Variants in KLHL5 observed in about 807,000 individuals in gnomAD.
The protein encoded by KLHL5 is kelch like family member 5.
KLHL5 carries 48 observed loss-of-function variants against 77.7 expected under a neutral mutation model. That is an observed-to-expected ratio of 0.62 (90% confidence interval 0.49 to 0.79). The LOEUF (loss-of-function observed/expected upper bound fraction) is 0.79. Among genes scored for constraint, KLHL5 ranks in the 30% least tolerant of loss-of-function variants. The pLI is 0.00. For missense variants in KLHL5, 723 were observed against 859.7 expected (o/e 0.84, Z 1.99); for synonymous variants, 260 against 297.0 (o/e 0.88, Z 1.28).
intron 8 of KLHL5, 132 bp from the exon 9 acceptor site, chr4:39,112,886 GAC>G (rs978849822): frequency 7.2e-6 from 5 of 696,526 alleles, no homozygotes; most frequent in East Asian, 5.4e-5. Context: ...CTTTTTTAAT[GAC>G]ACACACATTG....
chr4:39,129,210 T>C (rs1723703858), downstream of KLHL5, among the ~76,000 whole-genome samples: 1 of 142,730 alleles, frequency 7.0e-6, no homozygotes, highest in Non-Finnish European at 1.5e-5. The surrounding 1 kb of genome is among the most constrained non-coding windows in gnomAD (Gnocchi z 4.2). Context: ...TGAGACGGAG[T>C]CTTGCTCTGT....
rs1428214764 is a variant in KLHL5, at chr4:39,115,260, G to C, written c.2003G>C (p.Gly668Ala). The change falls in exon 10 of 11, where the codon GGG (glycine) becomes GCG (alanine). Residue 668 changes from glycine (G) to alanine (A), a missense_variant. Gly to Ala is a moderately conservative substitution (Grantham distance 60, BLOSUM62 0). Around this residue, in one of 3 missense-constraint regions of KLHL5, gnomAD observed 214 missense variants for 237.4 expected, o/e 0.90. Transcript: ENST00000504108. The part of the protein sequence containing the change: ...CLLGDKLYAV[G>A]GYDGQAYLNT... ...CTTGGTGATAAGTTATATGCTGTTG[G>C]GGGGTATGATGGACAGGCATACCTT... The C allele has an allele frequency of 1.2e-6, 2 of 1,614,016 alleles. No individual in the cohort carries two copies. The highest frequency in any genetic ancestry group is 1.7e-6 in the Non-Finnish European group (2 of 1,179,952).
At chr4:39,069,229 A>C (rs1718178854) in intron 1 of KLHL5, among the ~76,000 whole-genome samples, 1 of 152,094 alleles carries the variant, frequency 6.6e-6, no homozygotes, top group South Asian at 2.1e-4. Flanking sequence ...TCACATGGCC[A>C]CAACTGGTTA....
In KLHL5 at chr4:39,081,651, T is replaced by C. The variant is rs905840691; in HGVS notation, c.704-312T>C. On this transcript the variant is annotated intron_variant, in intron 3 of 10. Coordinates refer to ENST00000504108, the MANE Select transcript of KLHL5 (RefSeq NM_015990.5). This position sits in a 1 kb window ranked among gnomAD's most constrained non-coding sequence, Gnocchi z 4.3. Reference sequence around the variant, plus strand: ...CACCACTGCACTCCAGCCTGGGCAATAGAACAAGACCGTGTCTCAAAAAAA... The same window carrying C: ...CACCACTGCACTCCAGCCTGGGCAACAGAACAAGACCGTGTCTCAAAAAAA... Among the ~76,000 whole-genome samples the C allele has an allele frequency of 4.7e-5, 7 of 148,232 alleles. No individual in the cohort carries two copies. Among genetic ancestry groups the C allele is most frequent in the Non-Finnish European group, 7.4e-5 (5 of 67,292 alleles).
chr4:39,107,900 G>A lies in KLHL5; in HGVS notation c.1688+169G>A, dbSNP rs543872323. Among the ~76,000 whole-genome samples the A allele has an allele frequency of 2.0e-5, 3 of 151,974 alleles. No homozygotes were observed. The East Asian group carries it at 5.8e-4, about 29-fold the overall frequency. The stretch of plus-strand genomic sequence containing the variant: ...AATATATTGTTTTAATAGTTGTTAA[G>A]CTAGGCTTTCATTTTAATGTGCAGA... On this transcript the variant is annotated intron_variant, in intron 8 of 10. Coordinates refer to ENST00000504108, the MANE Select transcript of KLHL5 (RefSeq NM_015990.5).
At chr4:39,063,593 A>G (rs1169717323) in intron 1 of KLHL5, 1 of 446,774 alleles carries the variant, frequency 2.2e-6, no homozygotes, top group Non-Finnish European at 4.5e-6. Flanking sequence ...AATATAGAGA[A>G]TACTAAGTAA....
At chr4:39,073,289 GC>G (rs1214265348) in intron 1 of KLHL5, among the ~76,000 whole-genome samples, 2 of 152,072 alleles carry the variant, frequency 1.3e-5, no homozygotes, top group Non-Finnish European at 2.9e-5. Context: ...ATCAGAAGTA[GC>G]CTATAATAAC....
intron 9 of KLHL5, 161 bp downstream of exon 9, chr4:39,113,393 T>C (rs1258135797): frequency 2.6e-5 from 16 of 609,818 alleles, no homozygotes; most frequent in African/African-American, 5.5e-5. Flanking sequence ...CAGGAAGTGA[T>C]ACTTCCAGAA....
intron 1 of KLHL5, 92 bp from the exon 2 acceptor site, chr4:39,075,873 A>C: frequency 4.0e-6 from 4 of 1,004,610 alleles, no homozygotes; most frequent in Non-Finnish European, 6.0e-6. Flanking sequence ...GATTTCTTCT[A>C]TTACATTTGA....
chr4:39,141,114 G>A, the KLHL5 span, among the ~76,000 whole-genome samples: 1 of 152,252 alleles, frequency 6.6e-6, no homozygotes. Context: ...GTCAAAGGAA[G>A]TGAGAAGCTG....
intron 1 of KLHL5, among the ~76,000 whole-genome samples, chr4:39,050,174 A>G (rs951543445): frequency 6.6e-6 from 1 of 152,172 alleles, no homozygotes; most frequent in Non-Finnish European, 1.5e-5. Flanking sequence ...CATTTACAGT[A>G]TGTAAATGAT....
chr4:39,075,849 T>A (rs1577671204), intron 1 of KLHL5, 116 bp from the exon 2 acceptor site: 1 of 759,912 alleles, frequency 1.3e-6, no homozygotes, highest in East Asian at 2.6e-5. Flanking sequence ...ACATTAATAT[T>A]GATAGGTAGC....
intron 1 of KLHL5, among the ~76,000 whole-genome samples, chr4:39,053,592 CTT>C (rs1716809949): frequency 6.6e-6 from 1 of 151,956 alleles, no homozygotes; most frequent in African/African-American, 2.4e-5. Context: ...AGTTTTCTTC[CTT>C]GTGCACAGCA....
chr4:39,091,109 C>T (rs1192238566), intron 5 of KLHL5, among the ~76,000 whole-genome samples: 1 of 151,670 alleles, frequency 6.6e-6, no homozygotes, highest in Non-Finnish European at 1.5e-5. Context: ...GTACCTCAGC[C>T]TTCTCAGTAG....
chr4:39,077,165 G>A (rs374493292), intron 2 of KLHL5, among the ~76,000 whole-genome samples: 1 of 151,994 alleles, frequency 6.6e-6, no homozygotes, highest in African/African-American at 2.4e-5. Context: ...ACAAGCATAT[G>A]AAAACATATT....
chr4:39,074,058 A>G (rs1312866899), intron 1 of KLHL5, among the ~76,000 whole-genome samples: 9 of 152,256 alleles, frequency 5.9e-5, no homozygotes, highest in South Asian at 2.1e-4. Context: ...TTGTATAAGC[A>G]TATATAATTA....
intron 1 of KLHL5, among the ~76,000 whole-genome samples, chr4:39,067,828 G>A (rs752381069): frequency 2.0e-5 from 3 of 151,894 alleles, no homozygotes; most frequent in Non-Finnish European, 4.4e-5. Flanking sequence ...TTACAAGCAC[G>A]TACCACCATG....
intron 1 of KLHL5, among the ~76,000 whole-genome samples, chr4:39,073,945 A>G (rs1257396426): frequency 6.6e-6 from 1 of 151,642 alleles, no homozygotes; most frequent in East Asian, 1.9e-4. Context: ...GGATTATAGT[A>G]CCTGCGAAAT....
chr4:39,071,431 C>T (rs2109329850), intron 1 of KLHL5, among the ~76,000 whole-genome samples: 1 of 152,156 alleles, frequency 6.6e-6, no homozygotes, highest in Admixed American at 6.5e-5. Flanking sequence ...TTAAGAAATT[C>T]TAGTGTAAAT....
Sources: gnomAD v4.1 joint callset for allele counts (sites outside exome capture counted in the v4.1 genomes callset) on GRCh38, gnomAD v4.1.1 for gene constraint, gnomAD v4.1.1 regional missense constraint, Gnocchi (gnomAD v3.1) non-coding constraint, MANE v1.5 for transcripts, NCBI Gene and HGNC (gene_info 2026-07-23, HGNC 2026-07-21) for gene names.